Variants in KLKB1 observed in about 807,000 individuals in gnomAD.
The protein encoded by KLKB1 is kallikrein B1.
In KLKB1, 58 loss-of-function variants were observed where a neutral mutation model predicts 73.6. The ratio of observed to expected loss-of-function variants is 0.79; its 90% CI spans 0.64 to 0.98. KLKB1 has a LOEUF of 0.98. Among genes scored for constraint, KLKB1 ranks in the 50% least tolerant of loss-of-function variants. KLKB1 has a pLI of 0.00. For missense variants in KLKB1, 737 were observed against 763.8 expected (o/e 0.96, Z 0.41); for synonymous variants, 280 against 258.1 (o/e 1.08, Z -0.81).
In KLKB1 at chr4:186,250,136, C is replaced by G. The variant is rs906162357; in HGVS notation, c.599-107C>G. On this transcript the variant is annotated intron_variant, in intron 6 of 14. Transcript: ENST00000264690. ...ATTTTTTCACTTAGGATGTTTAGTACTATGAATAATAAATAGTCACAATTT... is the reference window on the plus strand; with the variant it reads ...ATTTTTTCACTTAGGATGTTTAGTAGTATGAATAATAAATAGTCACAATTT... 3.7e-6 allele frequency: 4 copies of G among 1,091,106 alleles called. No homozygotes were observed. In the African/African-American group the frequency reaches 4.6e-5, roughly 13 times the overall value. The allele number at this position is 1,091,106 out of a possible 1,614,324, so 67.6% of individuals were successfully genotyped here.
rs748603450 is a variant in KLKB1, at chr4:186,254,774, T to C, written c.1489+11T>C. ...CTTTGAATTACACTGGTATGTAGCA[T>C]ATGTAAGAAGGTGGAGAGCAGAATT... On this transcript the variant is annotated intron_variant, in intron 12 of 14. Transcript: ENST00000264690. 1.7e-5 allele frequency: 28 copies of C among 1,607,540 alleles called. No individual in the cohort carries two copies. The Middle Eastern group carries it at 4.9e-4, about 28-fold the overall frequency.
intron 13 of KLKB1, among the ~76,000 whole-genome samples, chr4:186,256,668 T>C (rs1739006813): frequency 6.6e-6 from 1 of 152,210 alleles, no homozygotes; most frequent in Admixed American, 6.5e-5. Context: ...CCATGAGAGA[T>C]GCTGGCCTGC....
chr4:186,254,861 GT>G (rs1420970517), intron 12 of KLKB1, 98 bp downstream of exon 12: 2 of 1,093,610 alleles, frequency 1.8e-6, no homozygotes, highest in African/African-American at 3.1e-5. Context: ...GACTGTCGTC[GT>G]TTTCTGACTG....
chr4:186,228,493 G>C (rs1382046330), intron 2 of KLKB1, among the ~76,000 whole-genome samples: 1 of 152,186 alleles, frequency 6.6e-6, no homozygotes, highest in Non-Finnish European at 1.5e-5. Flanking sequence ...CTTGGGACTT[G>C]TGTTAACAAA....
At chr4:186,232,492 G>A (rs1045861624) in intron 3 of KLKB1, among the ~76,000 whole-genome samples, 1 of 152,162 alleles carries the variant, frequency 6.6e-6, no homozygotes, top group Non-Finnish European at 1.5e-5. Context: ...TTGTGACCAG[G>A]AATCTGCATT....
upstream of KLKB1, among the ~76,000 whole-genome samples, chr4:186,222,098 A>G (rs2126615559): frequency 6.6e-6 from 1 of 152,272 alleles, no homozygotes; most frequent in East Asian, 1.9e-4. Context: ...TCGTTTGGTT[A>G]TCATGTGAAT....
intron 6 of KLKB1, among the ~76,000 whole-genome samples, chr4:186,248,717 G>A (rs1331706324): frequency 6.6e-6 from 1 of 150,682 alleles, no homozygotes; most frequent in African/African-American, 2.4e-5. Context: ...GGATCACAGA[G>A]TAACTCCATG....
chr4:186,223,632 A>G (rs1485787510), upstream of KLKB1, among the ~76,000 whole-genome samples: 2 of 152,196 alleles, frequency 1.3e-5, no homozygotes, highest in Non-Finnish European at 2.9e-5. Flanking sequence ...TTCAAATATA[A>G]CCTGGCTTTT....
chr4:186,234,897 A>G (rs769656292), intron 4 of KLKB1, among the ~76,000 whole-genome samples: 3 of 152,262 alleles, frequency 2.0e-5, no homozygotes, highest in Non-Finnish European at 2.9e-5. Flanking sequence ...TCTTAAAATA[A>G]CTGCTGTTAT....
chr4:186,218,090 A>G (rs897420511), intron 2 of KLKB1, among the ~76,000 whole-genome samples: 2 of 152,258 alleles, frequency 1.3e-5, no homozygotes, highest in African/African-American at 2.4e-5. Context: ...CTGTGTTTCA[A>G]TAAAACTTTA....
At chr4:186,216,217 A>G (rs78194726) in intron 2 of KLKB1, among the ~76,000 whole-genome samples, 1 of 152,218 alleles carries the variant, frequency 6.6e-6, no homozygotes, top group African/African-American at 2.4e-5. Context: ...TTTTTAAAAG[A>G]TATTTCATTC....
Position 186,257,744 on chromosome 4 carries a change from AGTGTGTGTGTGT to A in KLKB1, c.1726-252_1726-241del, listed in dbSNP as rs67371055. ...ACTTGGAGAACTTTAAGAAAGAGTG[AGTGTGTGTGTGT>A]GTGTGTGTGTGTGTGTGTGTGTGTC... On this transcript the variant is annotated intron_variant, in intron 14 of 14. Coordinates refer to ENST00000264690, the MANE Select transcript of KLKB1 (RefSeq NM_000892.5). Among the ~76,000 whole-genome samples, 370 of 147,206 alleles carry A rather than the reference AGTGTGTGTGTGT, an allele frequency of 2.5e-3. 2 individuals are homozygous for A. Among genetic ancestry groups the A allele is most frequent in the African/African-American group, 4.7e-3 (185 of 39,702 alleles).
intron 2 of KLKB1, among the ~76,000 whole-genome samples, chr4:186,216,203 CTT>C (rs1468204822): frequency 1.3e-5 from 2 of 152,178 alleles, no homozygotes; most frequent in Non-Finnish European, 2.9e-5. Context: ...TCCTCAATCT[CTT>C]GTTTTTAAAA....
rs371834857 is a variant in KLKB1, at chr4:186,232,335, G to GA, written c.221+48dup. ...ATTGGAGAAGCTGTTTTTCAAAACT[G>GA]AATCAGTTTTGTGCAGAAAGGTGTA... On this transcript the variant is annotated intron_variant, in intron 3 of 14. Coordinates refer to ENST00000264690, the MANE Select transcript of KLKB1 (RefSeq NM_000892.5). 4.2e-4 allele frequency: 661 copies of GA among 1,570,228 alleles called. 4 individuals are homozygous for GA. In the African/African-American group the frequency reaches 8.0e-3, roughly 19 times the overall value.
chr4:186,252,875 C>T (rs1027225866), intron 11 of KLKB1, among the ~76,000 whole-genome samples: 7 of 152,320 alleles, frequency 4.6e-5, no homozygotes, highest in South Asian at 2.1e-4. Flanking sequence ...GTGAGAGTTT[C>T]GTACTCTGTA....
At chr4:186,225,680 C>T (rs1422204348), upstream of KLKB1, among the ~76,000 whole-genome samples, 1 of 152,050 alleles carries the variant, frequency 6.6e-6, no homozygotes, top group East Asian at 1.9e-4. Flanking sequence ...ATGATCCACC[C>T]ATCTTGGCCT....
Position 186,257,248 on chromosome 4 carries a change from A to G in KLKB1, c.1608A>G (p.Gln536=). 1.3e-6 allele frequency: 2 copies of G among 1,594,820 alleles called. No homozygotes were observed. Among genetic ancestry groups the G allele is most frequent in the South Asian group, 1.1e-5 (1 of 88,372 alleles). Reference sequence around the variant, plus strand: ...CAGGTGAAATCCAAAATATTCTACAAAAGGTAAATATTCCTTTGGTAACAA... The same window carrying G: ...CAGGTGAAATCCAAAATATTCTACAGAAGGTAAATATTCCTTTGGTAACAA... The part of the protein sequence containing the change: ...KEKGEIQNIL[Q]KVNIPLVTNE... Residue 536 remains glutamine (Q), a synonymous_variant, in exon 14 of 15, where the codon CAA becomes CAG. Coordinates refer to ENST00000264690, the MANE Select transcript of KLKB1 (RefSeq NM_000892.5).
chr4:186,249,669 G>C (rs1201436589), intron 6 of KLKB1, among the ~76,000 whole-genome samples: 1 of 152,320 alleles, frequency 6.6e-6, no homozygotes, highest in East Asian at 1.9e-4. Context: ...GATTTTGATA[G>C]AGAGTGCATT....
At chr4:186,243,789 C>T (rs1738181712) in intron 6 of KLKB1, among the ~76,000 whole-genome samples, 1 of 152,002 alleles carries the variant, frequency 6.6e-6, no homozygotes, top group South Asian at 2.1e-4. Flanking sequence ...GTTCAGCTTG[C>T]TGAGAGGTAG....
Sources: gnomAD v4.1 joint callset for allele counts (sites outside exome capture counted in the v4.1 genomes callset) on GRCh38, gnomAD v4.1.1 for gene constraint, MANE v1.5 for transcripts, NCBI Gene and HGNC (gene_info 2026-07-23, HGNC 2026-07-21) for gene names.